Variants in PCM1 observed in about 807,000 individuals in gnomAD.
The protein encoded by PCM1 is pericentriolar material 1 protein.
In PCM1, 157 loss-of-function variants were observed where a neutral mutation model predicts 241.9. The ratio of observed to expected loss-of-function variants is 0.65; its 90% CI spans 0.57 to 0.74. The LOEUF (loss-of-function observed/expected upper bound fraction) is 0.74. Ranked by LOEUF, PCM1 falls within the 30% of genes least tolerant of loss-of-function variation. The pLI, the probability that PCM1 is intolerant of heterozygous loss-of-function variation, is 0.00. For missense variants in PCM1, 3,478 were observed against 2,360.1 expected (o/e 1.47, Z -9.81); for synonymous variants, 1,085 against 784.9 (o/e 1.38, Z -6.39).
At chr8:18,000,667 G>A (rs2089026410) in intron 29 of PCM1, among the ~76,000 whole-genome samples, 1 of 152,140 alleles carries the variant, frequency 6.6e-6, no homozygotes, top group East Asian at 1.9e-4. Context: ...TATCACCCAG[G>A]CGGGAATGCA....
intron 2 of PCM1, among the ~76,000 whole-genome samples, chr8:17,933,388 G>A (rs2059572614): frequency 1.3e-5 from 2 of 152,232 alleles, no homozygotes; most frequent in South Asian, 2.1e-4. Context: ...TTATTTTACA[G>A]ATGGTAACTT....
At chr8:17,981,787 C>A (rs2080918156) in intron 24 of PCM1, among the ~76,000 whole-genome samples, 1 of 151,246 alleles carries the variant, frequency 6.6e-6, no homozygotes, top group African/African-American at 2.4e-5. Context: ...TTTTGTTTTT[C>A]AGTACTCATA....
Position 17,991,015 on chromosome 8 carries a change from G to A in PCM1, c.4532-527G>A, listed in dbSNP as rs112805427. Among the ~76,000 whole-genome samples, 1,322 of 151,316 alleles carry A rather than the reference G, an allele frequency of 8.7e-3. 14 individuals carry two copies. The highest frequency in any genetic ancestry group is 0.029 in the African/African-American group (1,202 of 41,228). On this transcript the variant is annotated intron_variant, in intron 27 of 38. Transcript: ENST00000325083. ...TCTTTCTGAGTTGCCAGAATACTTC[G>A]ACTCCTACGTATTTTCTTTCATTTA...
intron 24 of PCM1, among the ~76,000 whole-genome samples, chr8:17,984,610 G>C (rs1267985761): frequency 6.6e-6 from 1 of 151,792 alleles, no homozygotes; most frequent in Non-Finnish European, 1.5e-5. Flanking sequence ...TTCTATTAGA[G>C]CACATTCTTT....
At chr8:17,980,477 G>T (rs537735542) in intron 23 of PCM1, 114 bp from the exon 24 acceptor site, 4 of 733,528 alleles carry the variant, frequency 5.5e-6, no homozygotes, top group African/African-American at 5.3e-5. Flanking sequence ...ATTTATACCA[G>T]GCCTTCCTAG....
intron 23 of PCM1, among the ~76,000 whole-genome samples, chr8:17,979,336 A>G (rs1298228665): frequency 6.6e-6 from 1 of 152,200 alleles, no homozygotes; most frequent in Non-Finnish European, 1.5e-5. Context: ...AATATTGGAA[A>G]AGGAAGGAAG....
At chr8:17,982,975 G>T (rs1468762926) in intron 24 of PCM1, among the ~76,000 whole-genome samples, 1 of 152,162 alleles carries the variant, frequency 6.6e-6, no homozygotes, top group African/African-American at 2.4e-5. Context: ...TCACCTTGAT[G>T]TGTATGCTTC....
intron 17 of PCM1, 105 bp from the exon 18 acceptor site, chr8:17,964,463 C>T: frequency 1.3e-6 from 1 of 770,278 alleles, no homozygotes; most frequent in Non-Finnish European, 2.0e-6. Context: ...ATTTTATATA[C>T]AGACATGTAT....
chr8:17,943,222 T>G (rs2062749119), intron 6 of PCM1, among the ~76,000 whole-genome samples: 1 of 150,238 alleles, frequency 6.7e-6, no homozygotes, highest in South Asian at 2.1e-4. Context: ...TTACAAATGG[T>G]AAAACTTCAC....
chr8:17,937,698 C>G (rs1315557962), intron 4 of PCM1, among the ~76,000 whole-genome samples: 1 of 152,034 alleles, frequency 6.6e-6, no homozygotes, highest in Non-Finnish European at 1.5e-5. Flanking sequence ...ATGGAAAGTT[C>G]CAGTTTAGTA....
rs144188626 is a variant in PCM1, at chr8:17,943,536, G to A, written c.784-3650G>A. Among the ~76,000 whole-genome samples the A allele has an allele frequency of 4.5e-3, 682 of 151,940 alleles. 4 individuals are homozygous for A. The highest frequency in any genetic ancestry group is 0.015 in the African/African-American group (627 of 41,454). On this transcript the variant is annotated intron_variant, in intron 6 of 38. Coordinates refer to ENST00000325083, the MANE Select transcript of PCM1 (RefSeq NM_006197.4). ...TATCTGCCAGTTCTTTTTTTCTTAA[G>A]GCATTACATATAATTTAAAAACCAC...
At chr8:17,999,158 G>A (rs1386388567) in intron 29 of PCM1, among the ~76,000 whole-genome samples, 1 of 151,962 alleles carries the variant, frequency 6.6e-6, no homozygotes, top group African/African-American at 2.4e-5. Flanking sequence ...TGATCGCTCT[G>A]GTACTTAAGG....
intron 9 of PCM1, among the ~76,000 whole-genome samples, chr8:17,954,083 C>G (rs1217200558): frequency 6.6e-6 from 1 of 152,200 alleles, no homozygotes; most frequent in Admixed American, 6.5e-5. Flanking sequence ...TAGTCTCTTT[C>G]TCCTCTAGAG....
intron 34 of PCM1, chr8:18,013,712 T>C (rs2092796090): frequency 1.2e-5 from 4 of 341,174 alleles, no homozygotes; most frequent in Non-Finnish European, 2.1e-5. Context: ...TGAAAAAAAA[T>C]GAACAGTGCA....
rs75172071 is a variant in PCM1, at chr8:18,024,074, C to T, written c.5842-1287C>T. On this transcript the variant is annotated intron_variant, in intron 36 of 38. Coordinates refer to ENST00000325083, the MANE Select transcript of PCM1 (RefSeq NM_006197.4). ...CATAAAACAAAGGCCTTTAAAACAG[C>T]CTTAATCTTCCTTGAATTGCAAACA... is the stretch of plus-strand genomic sequence containing the variant. 5.5e-4 allele frequency among the ~76,000 whole-genome samples: 84 copies of T among 152,314 alleles called. 1 individual carries two copies. In the East Asian group the frequency reaches 0.013, roughly 23 times the overall value.
chr8:18,026,133 C>T (rs1332555096), intron 38 of PCM1, among the ~76,000 whole-genome samples: 6 of 105,928 alleles, frequency 5.7e-5, no homozygotes, highest in Middle Eastern at 0.011. Flanking sequence ...CACTGCACTC[C>T]GGCCTGGGTG....
At position 18,025,409 on chromosome 8, in the gene PCM1, G is replaced by A; in HGVS notation, c.5890G>A (p.Val1964Ile). Reference protein sequence around the residue: ...ISQKSDEEDFVKVEDLPLKLT... With the variant: ...ISQKSDEEDFIKVEDLPLKLT... ...TCAAAAGTCTGATGAAGAAGATTTT[G>A]TAAAAGTTGAAGATTTACCACTGAA... Residue 1964 changes from valine to isoleucine, a missense_variant, in exon 37 of 39, where the codon GTA (valine) becomes ATA (isoleucine). By Grantham distance (29) the Val-to-Ile change is conservative. Coordinates refer to ENST00000325083, the MANE Select transcript of PCM1 (RefSeq NM_006197.4). The A allele has an allele frequency of 6.2e-7, 1 of 1,604,586 alleles. No individual in the cohort carries two copies. The highest frequency in any genetic ancestry group is 8.5e-7 in the Non-Finnish European group (1 of 1,174,184).
chr8:17,940,236 A>G (rs941761519), intron 6 of PCM1: 11 of 732,198 alleles, frequency 1.5e-5, no homozygotes, highest in Middle Eastern at 2.4e-4. Flanking sequence ...TGTTATTTTT[A>G]TAGGCGTTCC....
At position 17,937,227 on chromosome 8, in the gene PCM1, A is replaced by G; in HGVS notation, c.190A>G (p.Ile64Val). ...AAGTGATAAAAGAGTAACCAATGATATTTCTCCGGAGTCGTCACCAGGAGT... is the reference window on the plus strand; with the variant it reads ...AAGTGATAAAAGAGTAACCAATGATGTTTCTCCGGAGTCGTCACCAGGAGT... ...VESDKRVTNDISPESSPGVGR... is the reference protein window; with the variant it reads ...VESDKRVTNDVSPESSPGVGR... The change falls in exon 4 of 39, where the codon ATT becomes GTT. Residue 64 changes from isoleucine to valine, a missense_variant. Physicochemically the swap from Ile to Val is conservative, Grantham distance 29. Transcript: ENST00000325083. The G allele has an allele frequency of 6.2e-7, 1 of 1,608,506 alleles. No individual in the cohort carries two copies. Among genetic ancestry groups the G allele is most frequent in the Non-Finnish European group, 8.5e-7 (1 of 1,176,382 alleles).
Sources: allele counts gnomAD v4.1 joint callset (sites outside exome capture counted in the v4.1 genomes callset), GRCh38; gene constraint gnomAD v4.1.1; transcripts MANE v1.5; gene names NCBI Gene and HGNC (gene_info 2026-07-23, HGNC 2026-07-21).